MAF: variants seen among roughly 807,000 people sequenced by gnomAD.
The protein encoded by MAF is transcription factor Maf.
Under a neutral mutation model 22.0 loss-of-function variants are expected in MAF, and 10 were observed. The ratio of observed to expected loss-of-function variants is 0.45; its 90% CI spans 0.28 to 0.77. MAF has a LOEUF of 0.77. Among genes scored for constraint, MAF ranks in the 30% least tolerant of loss-of-function variants. MAF has a pLI of 0.12. For missense variants in MAF, 544 were observed against 548.4 expected, an observed-to-expected ratio of 0.99 and a Z score of 0.08; for synonymous variants, 337 against 255.8, an observed-to-expected ratio of 1.32 and a Z score of -3.03.
At chr16:79,410,522 C>T in the MAF span, among the ~76,000 whole-genome samples, 4 of 152,154 alleles carry the variant, frequency 2.6e-5, no homozygotes, top group Admixed American at 6.5e-5. Flanking sequence ...CAGTATGAAT[C>T]GTGCCCTGCG....
chr16:79,220,699 A>AGAAT, the MAF span, among the ~76,000 whole-genome samples: 3 of 152,302 alleles, frequency 2.0e-5, no homozygotes, highest in Admixed American at 2.0e-4. Flanking sequence ...AGTTCCAAGG[A>AGAAT]GAATGCTGGG....
the MAF span, among the ~76,000 whole-genome samples, chr16:79,357,556 G>T: frequency 3.3e-5 from 5 of 152,152 alleles, no homozygotes; most frequent in African/African-American, 1.2e-4. Context: ...AATCCTCACT[G>T]CACTTTGCAT....
the MAF span, among the ~76,000 whole-genome samples, chr16:79,485,863 T>A: frequency 6.6e-6 from 1 of 152,152 alleles, no homozygotes; most frequent in Admixed American, 6.5e-5. Context: ...AGCATATGAA[T>A]GAATTAGCAA....
chr16:79,591,868 T>C (rs1043885782), downstream of MAF, among the ~76,000 whole-genome samples: 3 of 152,244 alleles, frequency 2.0e-5, no homozygotes, highest in African/African-American at 7.2e-5. Flanking sequence ...GATACATTTA[T>C]AAATATACTC....
At chr16:79,376,161 T>C in the MAF span, among the ~76,000 whole-genome samples, 1 of 152,186 alleles carries the variant, frequency 6.6e-6, no homozygotes, top group African/African-American at 2.4e-5. Context: ...ATGTTACTTC[T>C]TCGTATGTAT....
chr16:79,287,625 G>C, the MAF span, among the ~76,000 whole-genome samples: 1 of 152,210 alleles, frequency 6.6e-6, no homozygotes, highest in African/African-American at 2.4e-5. Flanking sequence ...TTAGCGTCAG[G>C]AATCAGACTG....
chr16:79,389,551 C>A, the MAF span, among the ~76,000 whole-genome samples: 16 of 152,148 alleles, frequency 1.1e-4, no homozygotes, highest in African/African-American at 3.1e-4. Flanking sequence ...CCTGAGCCAC[C>A]GCGTCCAGCT....
chr16:79,234,968 C>G, the MAF span, among the ~76,000 whole-genome samples: 1 of 152,116 alleles, frequency 6.6e-6, no homozygotes, highest in Non-Finnish European at 1.5e-5. Flanking sequence ...CCAAGGGGAC[C>G]ACTGGTCCAA....
the MAF span, among the ~76,000 whole-genome samples, chr16:79,469,719 C>A: frequency 1.3e-5 from 2 of 152,128 alleles, no homozygotes; most frequent in African/African-American, 2.4e-5. Context: ...GCCTCAGCCT[C>A]CTGAGTAGCT....
chr16:79,456,101 CAG>C, the MAF span, among the ~76,000 whole-genome samples: 2 of 152,100 alleles, frequency 1.3e-5, no homozygotes, highest in East Asian at 1.9e-4. Flanking sequence ...ACAGGGAAAA[CAG>C]GGAGTTAAAC....
the MAF span, among the ~76,000 whole-genome samples, chr16:79,435,094 G>C: frequency 8.5e-5 from 13 of 152,226 alleles, no homozygotes; most frequent in Non-Finnish European, 1.8e-4. Flanking sequence ...TCCTAGACTG[G>C]CATGACTTGC....
the MAF span, among the ~76,000 whole-genome samples, chr16:79,390,794 C>T: frequency 2.6e-5 from 4 of 152,126 alleles, no homozygotes; most frequent in African/African-American, 4.8e-5. Flanking sequence ...ATCTGATAAC[C>T]GGGCCACAGT....
chr16:79,454,051 A>C, the MAF span, among the ~76,000 whole-genome samples: 7 of 152,246 alleles, frequency 4.6e-5, no homozygotes, highest in Non-Finnish European at 8.8e-5. Flanking sequence ...ACTCCTAAAC[A>C]GAGAAAAGTG....
the MAF span, among the ~76,000 whole-genome samples, chr16:79,416,750 G>A: frequency 2.0e-5 from 3 of 152,322 alleles, no homozygotes; most frequent in African/African-American, 7.2e-5. Flanking sequence ...TGACCAGAGA[G>A]CATCCTATGA....
At chr16:79,362,193 T>G in the MAF span, among the ~76,000 whole-genome samples, 68 of 152,332 alleles carry the variant, frequency 4.5e-4, no homozygotes, top group African/African-American at 1.6e-3. Context: ...TAATCCAAGG[T>G]AAGTATGTAG....
chr16:79,403,838 G>A, the MAF span, among the ~76,000 whole-genome samples: 1 of 152,202 alleles, frequency 6.6e-6, no homozygotes, highest in African/African-American at 2.4e-5. Context: ...ACAGCACTTT[G>A]AGGCTCAGAT....
the MAF span, among the ~76,000 whole-genome samples, chr16:79,435,246 GCACACACA>G: frequency 2.6e-4 from 39 of 150,262 alleles, no homozygotes; most frequent in African/African-American, 9.5e-4. Flanking sequence ...CTGCGACTGT[GCACACACA>G]CACACACACA....
chr16:79,395,884 G>C, the MAF span, among the ~76,000 whole-genome samples: 1 of 152,154 alleles, frequency 6.6e-6, no homozygotes, highest in East Asian at 1.9e-4. Flanking sequence ...GAGAACTGGC[G>C]AGACAGGCAA....
chr16:79,231,854 A>G, the MAF span, among the ~76,000 whole-genome samples: 2 of 152,056 alleles, frequency 1.3e-5, no homozygotes, highest in African/African-American at 4.8e-5. Context: ...ACAACTCACT[A>G]TAATGTAGAA....
Sources: allele counts gnomAD v4.1 joint callset (sites outside exome capture counted in the v4.1 genomes callset), GRCh38; gene constraint gnomAD v4.1.1; transcripts MANE v1.5; gene names NCBI Gene and HGNC (gene_info 2026-07-23, HGNC 2026-07-21).